The following PUDP variants were observed in gnomAD, a reference collection of about 807,000 sequenced individuals.
The protein encoded by PUDP is pseudouridine-5'-phosphatase.
PUDP carries 8 observed loss-of-function variants against 9.4 expected under a neutral mutation model. The ratio of observed to expected loss-of-function variants is 0.85; its 90% CI spans 0.50 to 1.53. PUDP has a LOEUF of 1.53. Ranked by LOEUF, PUDP falls within the 40% of genes most tolerant of loss-of-function variation. PUDP has a pLI of 0.00. For missense variants in PUDP, 188 were observed against 189.7 expected, an observed-to-expected ratio of 0.99 and a Z score of 0.05; for synonymous variants, 99 against 80.7, an observed-to-expected ratio of 1.23 and a Z score of -1.22.
At chrX:6,936,425 A>T (rs1602680575) in intron 3 of PUDP, among the ~76,000 whole-genome samples, 1 of 72,363 alleles carries the variant, frequency 1.4e-5, no homozygotes, top group East Asian at 4.6e-4. Flanking sequence ...CCTTTGACAA[A>T]ATTCAACAAC....
chrX:6,753,052 G>C (rs189196479), intron 3 of PUDP, among the ~76,000 whole-genome samples: 16 of 110,452 alleles, frequency 1.4e-4, no homozygotes, highest in Admixed American at 7.7e-4. Flanking sequence ...GGTGATTTGT[G>C]AGATTTCGGT....
intron 3 of PUDP, among the ~76,000 whole-genome samples, chrX:6,944,960 C>T (rs1486045912): frequency 9.0e-6 from 1 of 111,611 alleles, no homozygotes; most frequent in African/African-American, 3.3e-5. Flanking sequence ...ACCTGTAGGC[C>T]ACTCCCCTGA....
At chrX:6,985,932 A>G (rs954411432) in intron 1 of PUDP, among the ~76,000 whole-genome samples, 1 of 111,777 alleles carries the variant, frequency 8.9e-6, no homozygotes, top group South Asian at 3.8e-4. Flanking sequence ...TATACAGGTC[A>G]CAAAGACCTT....
intron 3 of PUDP, among the ~76,000 whole-genome samples, chrX:7,065,912 G>T (rs2146852751): frequency 8.9e-6 from 1 of 112,169 alleles, no homozygotes; most frequent in South Asian, 3.7e-4. Context: ...GCCCAAATTT[G>T]CCAATAATCT....
chrX:7,036,287 T>C (rs1037855039), intron 1 of PUDP, among the ~76,000 whole-genome samples: 19 of 112,302 alleles, frequency 1.7e-4, no homozygotes, highest in Admixed American at 2.8e-4. Context: ...TTTTTTTGAA[T>C]ATCCACAGAA....
intron 1 of PUDP, among the ~76,000 whole-genome samples, chrX:7,145,809 G>A (rs1288248627): frequency 1.8e-5 from 2 of 111,356 alleles, no homozygotes; most frequent in Non-Finnish European, 3.8e-5. Context: ...TGCAAGTATT[G>A]GGGCTACATA....
At chrX:7,008,442 T>C (rs1393171572) in intron 1 of PUDP, among the ~76,000 whole-genome samples, 1 of 111,004 alleles carries the variant, frequency 9.0e-6, no homozygotes, top group Admixed American at 9.6e-5. Flanking sequence ...CAGGTGGTGC[T>C]CTTCGGTGGT....
intron 3 of PUDP, among the ~76,000 whole-genome samples, chrX:7,076,663 CA>C (rs1260906242): frequency 2.7e-5 from 3 of 111,916 alleles, no homozygotes; most frequent in African/African-American, 9.7e-5. Context: ...TGGTGCGGGA[CA>C]GGGGGTGCCA....
chrX:7,141,335 A>G (rs12834756), intron 1 of PUDP, among the ~76,000 whole-genome samples: 1 of 112,815 alleles, frequency 8.9e-6, no homozygotes, highest in Non-Finnish European at 1.9e-5. Flanking sequence ...TGAGAGTGAA[A>G]CAGCCTTATT....
At chrX:7,111,458 G>A (rs187313619) in intron 1 of PUDP, among the ~76,000 whole-genome samples, 9 of 96,966 alleles carry the variant, frequency 9.3e-5, no homozygotes, top group African/African-American at 1.9e-4. Flanking sequence ...GTATTTAATA[G>A]CCGCTGACCT....
intron 3 of PUDP, among the ~76,000 whole-genome samples, chrX:6,901,985 C>A (rs1927695786): frequency 9.0e-6 from 1 of 110,666 alleles, no homozygotes; most frequent in Non-Finnish European, 1.9e-5. Flanking sequence ...GCGATTCTTC[C>A]CCCTCAGCCT....
At chrX:6,957,641 T>C (rs1335275998) in intron 3 of PUDP, among the ~76,000 whole-genome samples, 1 of 112,374 alleles carries the variant, frequency 8.9e-6, no homozygotes, top group Non-Finnish European at 1.9e-5. Flanking sequence ...GTGGGGTTGC[T>C]TCTTTAACAA....
At chrX:6,791,948 A>G (rs1367194697) in intron 3 of PUDP, among the ~76,000 whole-genome samples, 1 of 111,806 alleles carries the variant, frequency 8.9e-6, no homozygotes, top group African/African-American at 3.3e-5. Flanking sequence ...GTTGAGAAAA[A>G]CATTTGAGTG....
At chrX:6,746,545 T>C (rs1197806116) in intron 3 of PUDP, among the ~76,000 whole-genome samples, 2 of 111,159 alleles carry the variant, frequency 1.8e-5, no homozygotes, top group Non-Finnish European at 3.8e-5. Flanking sequence ...GTTAGCTATG[T>C]TTCCTAATTC....
chrX:6,866,664 C>G (rs1223030918), intron 3 of PUDP, among the ~76,000 whole-genome samples: 5 of 111,578 alleles, frequency 4.5e-5, no homozygotes, highest in African/African-American at 1.6e-4. Context: ...TTTGCAGGCA[C>G]AAAGATGAAG....
Position 6,846,564 on chromosome X carries a change from C to T in PUDP, c.*247+130569G>A, listed in dbSNP as rs182111555. On this transcript the variant is annotated intron_variant and NMD_transcript_variant, in intron 3 of 3. Transcript: ENST00000655425. ...GGGATCTCTACTGCCCCACCCTTTGCATTTAAATCTCCACCAAACCCTACT... is the reference window on the plus strand; with the variant it reads ...GGGATCTCTACTGCCCCACCCTTTGTATTTAAATCTCCACCAAACCCTACT... Among the ~76,000 whole-genome samples, 3 of 110,858 alleles carry T rather than the reference C, an allele frequency of 2.7e-5. No homozygotes were observed. The East Asian group carries it at 8.4e-4, about 31-fold the overall frequency.
rs1415827634 is a variant in PUDP at position 7,117,086 on chromosome X, C to T, written c.62-11248G>A. On this transcript the variant is annotated intron_variant, in intron 1 of 3. Coordinates refer to ENST00000381077, the MANE Select transcript of PUDP (RefSeq NM_012080.5). Reference sequence around the variant, plus strand: ...GTTGTTCTTCTAAATTATCTAGACTCAGCCATTTCTTTAAGGCAATGCAAG... The same window carrying T: ...GTTGTTCTTCTAAATTATCTAGACTTAGCCATTTCTTTAAGGCAATGCAAG... 4 of 1,157,043 alleles carry T rather than the reference C, an allele frequency of 3.5e-6. No homozygotes were observed. The African/African-American group carries it at 5.4e-5, about 16-fold the overall frequency.
intron 3 of PUDP, among the ~76,000 whole-genome samples, chrX:6,733,770 CTTTT>C (rs3046297): frequency 6.5e-5 from 3 of 46,261 alleles, no homozygotes; most frequent in Non-Finnish European, 1.0e-4. Context: ...AAAGCAAAGC[CTTTT>C]TTTTTTTTTT....
At chrX:6,781,588 G>A (rs1292347163) in intron 3 of PUDP, among the ~76,000 whole-genome samples, 4 of 112,137 alleles carry the variant, frequency 3.6e-5, no homozygotes, top group Non-Finnish European at 7.5e-5. Context: ...TTTGGCTTTT[G>A]ATTCTGTTTT....
Sources: gnomAD v4.1 joint callset for allele counts (sites outside exome capture counted in the v4.1 genomes callset) on GRCh38, gnomAD v4.1.1 for gene constraint, MANE v1.5 for transcripts, NCBI Gene and HGNC (gene_info 2026-07-23, HGNC 2026-07-21) for gene names.